The following CNNM3 variants were observed in gnomAD, a reference collection of about 807,000 sequenced individuals.
The protein encoded by CNNM3 is metal transporter CNNM3.
Under a neutral mutation model 57.1 loss-of-function variants are expected in CNNM3, and 47 were observed. The observed-to-expected ratio is 0.82, with a 90% CI of 0.65 to 1.05. The LOEUF (loss-of-function observed/expected upper bound fraction) is 1.05. Ranked by LOEUF, CNNM3 falls within the 50% of genes least tolerant of loss-of-function variation. The pLI, the probability that CNNM3 is intolerant of heterozygous loss-of-function variation, is 0.00. For synonymous variants in CNNM3, 507 were observed against 478.2 expected (o/e 1.06, Z -0.79); for missense variants, 957 against 973.7 (o/e 0.98, Z 0.23).
In CNNM3 at chr2:96,825,155, C is replaced by G. The variant is rs755157253; in HGVS notation, c.1323C>G (p.Ile441Met). ...VLGLVTLEDV[I>M]EEIIRSEILD... is the part of the protein sequence containing the mutation. ...GCCTGGTCACCCTGGAGGACGTGAT[C>G]GAGGAGATCATCAGGTCCGAGATCC... The change falls in exon 2 of 8, where the codon ATC becomes ATG. Residue 441 changes from isoleucine to methionine, a missense_variant. Transcript: ENST00000305510. 3.7e-6 allele frequency: 6 copies of G among 1,614,028 alleles called. No homozygotes were observed. The highest frequency in any genetic ancestry group is 5.1e-6 in the Non-Finnish European group (6 of 1,180,026).
At chr2:96,835,616 C>T (rs565946007), downstream of CNNM3, among the ~76,000 whole-genome samples, 244 of 152,134 alleles carry the variant, frequency 1.6e-3, 2 homozygotes, top group Middle Eastern at 0.02. Flanking sequence ...TACAGGCGCC[C>T]GCCACCACGC....
At chr2:96,823,245 G>C (rs966475012) in intron 1 of CNNM3, among the ~76,000 whole-genome samples, 2 of 152,208 alleles carry the variant, frequency 1.3e-5, no homozygotes, top group African/African-American at 4.8e-5. Context: ...TGAAAGCAAA[G>C]GAGTGAGTCC....
chr2:96,817,304 C>G lies in CNNM3; in HGVS notation c.1027C>G (p.Gln343Glu). The change falls in exon 1 of 8, where the codon CAG becomes GAG. Residue 343 changes from glutamine to glutamate, a missense_variant. Physicochemically the swap from Gln to Glu is conservative, Grantham distance 29 (BLOSUM62 2). Around this residue, in one of 2 missense-constraint regions of CNNM3, gnomAD observed 491 missense variants for 570.6 expected, o/e 0.86. Coordinates refer to ENST00000305510, the MANE Select transcript of CNNM3 (RefSeq NM_017623.5). ...LDFGVLASIM[Q>E]SGHTRIPVYE... is the part of the protein sequence containing the mutation. ...CTTCGGCGTCCTGGCCAGCATCATG[C>G]AGAGCGGCCACACGCGCATCCCGGT... The G allele has an allele frequency of 1.2e-6, 2 of 1,613,846 alleles. No homozygotes were observed. Among genetic ancestry groups the G allele is most frequent in the Non-Finnish European group, 1.7e-6 (2 of 1,180,036 alleles).
At chr2:96,828,035 CGCT>C in intron 4 of CNNM3, 61 bp from the exon 5 acceptor site, 1 of 1,575,860 alleles carries the variant, frequency 6.3e-7, no homozygotes, top group Non-Finnish European at 8.7e-7. Flanking sequence ...TTTCTCCTTC[CGCT>C]GTCTTCTGAC....
chr2:96,822,340 G>C, intron 1 of CNNM3, among the ~76,000 whole-genome samples: 1 of 151,650 alleles, frequency 6.6e-6, no homozygotes, highest in South Asian at 2.1e-4. Context: ...ACAGAGTCTT[G>C]CTCTGTCACC....
downstream of CNNM3, chr2:96,837,107 GGTTCACATAGCTATATA>G (rs1394706252): frequency 6.6e-6 from 1 of 152,052 alleles, no homozygotes; most frequent in African/African-American, 2.4e-5. Flanking sequence ...TTGCACTCTT[GGTTCACATAGCTATATA>G]GTAGATCTTG....
rs780503858 is a variant in CNNM3 at position 96,827,718 on chromosome 2, C to T, written c.1520-13C>T. ...CCCCAGTGGACACTGTCCCTTTTTTCCACCACGTGCAGAAGTGGATGTATT... is the reference window on the plus strand; with the variant it reads ...CCCCAGTGGACACTGTCCCTTTTTTTCACCACGTGCAGAAGTGGATGTATT... On this transcript the variant is annotated splice_polypyrimidine_tract_variant and intron_variant, in intron 3 of 7. Transcript: ENST00000305510. The T allele has an allele frequency of 6.2e-7, 1 of 1,602,330 alleles. No individual in the cohort carries two copies. The highest frequency in any genetic ancestry group is 1.1e-5 in the South Asian group (1 of 90,298).
In CNNM3 at chr2:96,817,107, T is replaced by G; in HGVS notation, c.830T>G (p.Leu277Arg). Reference protein sequence around the residue: ...LPVALPVGQLLELAARPGRLR... With the variant: ...LPVALPVGQLRELAARPGRLR... ...GTCGCGCTGCCCGTGGGGCAGCTGC[T>G]GGAGCTGGCGGCGCGGCCCGGGCGG... The change falls in exon 1 of 8, where the codon CTG becomes CGG. Residue 277 changes from leucine (L) to arginine (R), a missense_variant. Transcript: ENST00000305510. 1 of 1,341,592 alleles carries G rather than the reference T, an allele frequency of 7.5e-7. No homozygotes were observed. Among genetic ancestry groups the G allele is most frequent in the Non-Finnish European group, 9.5e-7 (1 of 1,056,540 alleles). The allele number at this position is 1,341,592 out of a possible 1,614,324, so 83.1% of individuals were successfully genotyped here.
rs919264557 is a variant in CNNM3 at position 96,833,088 on chromosome 2, G to T, written c.*472G>T. On this transcript the variant is annotated 3_prime_UTR_variant, in exon 8 of 8. Transcript: ENST00000305510. ...TGAGCAAGCCGAGAGCACCCATTTT[G>T]GCTGGGGGTTCAGATCGATGGCCTT... is the stretch of plus-strand genomic sequence containing the variant. 5.2e-6 allele frequency: 6 copies of T among 1,164,840 alleles called. No individual in the cohort carries two copies. The highest frequency in any genetic ancestry group is 1.6e-5 in the African/African-American group (1 of 63,166). The allele number at this position is 1,164,840 out of a possible 1,614,324, so 72.2% of individuals were successfully genotyped here.
At chr2:96,827,930 T>C in intron 4 of CNNM3, 30 bp downstream of exon 4, 5 of 1,602,390 alleles carry the variant, frequency 3.1e-6, no homozygotes, top group Non-Finnish European at 4.3e-6. Context: ...CTGGAGTCCC[T>C]CCTGCTTCCT....
chr2:96,826,057 G>C (rs538055371), intron 2 of CNNM3, among the ~76,000 whole-genome samples: 1 of 152,182 alleles, frequency 6.6e-6, no homozygotes, highest in South Asian at 2.1e-4. Flanking sequence ...TTAATCATGC[G>C]TCGATTTTCA....
intron 3 of CNNM3, 21 bp from the exon 4 acceptor site, chr2:96,827,710 C>A: frequency 5.0e-6 from 8 of 1,605,308 alleles, no homozygotes; most frequent in Non-Finnish European, 6.0e-6. Flanking sequence ...GGACACTGTC[C>A]CTTTTTTCCA....
intron 1 of CNNM3, among the ~76,000 whole-genome samples, chr2:96,821,920 A>G (rs566056208): frequency 6.6e-6 from 1 of 151,420 alleles, no homozygotes; most frequent in East Asian, 1.9e-4. Context: ...TTGCTTTTGA[A>G]CCATCAAATT....
In CNNM3 at chr2:96,834,735, G is replaced by A. The variant is rs1224841485; in HGVS notation, c.*2119G>A. ...CTTGGTACATTTATCAAAACTAAAGGTGCAATCATACTAATAGCTAGAGTT... is the reference window on the plus strand; with the variant it reads ...CTTGGTACATTTATCAAAACTAAAGATGCAATCATACTAATAGCTAGAGTT... On this transcript the variant is annotated 3_prime_UTR_variant, in exon 8 of 8. Coordinates refer to ENST00000305510, the MANE Select transcript of CNNM3 (RefSeq NM_017623.5). Among the ~76,000 whole-genome samples the A allele has an allele frequency of 6.6e-6, 1 of 152,120 alleles. No individual in the cohort carries two copies. Among genetic ancestry groups the A allele is most frequent in the Non-Finnish European group, 1.5e-5 (1 of 68,032 alleles).
At position 96,829,075 on chromosome 2, in the gene CNNM3, T is replaced by C. The variant is rs1231795260; in HGVS notation, c.2000T>C (p.Leu667Pro). 4 of 1,613,776 alleles carry C rather than the reference T, an allele frequency of 2.5e-6. No individual in the cohort carries two copies. The African/African-American group carries it at 5.3e-5, about 22-fold the overall frequency. Residue 667 changes from leucine (L) to proline (P), a missense_variant, in exon 7 of 8, where the codon CTG becomes CCG. Physicochemically the swap from Leu to Pro is moderately conservative, Grantham distance 98 (BLOSUM62 -3). This residue lies in a region of CNNM3 where 491 missense variants were observed against 570.6 expected (regional missense o/e 0.86). Transcript: ENST00000305510. ...CCACAGTCCCCTGAGAACACCGACC[T>C]GCAGGTTATTCCAGGCAGCCAGACC... ...NLPQSPENTD[L>P]QVIPGSQTRL...
chr2:96,823,706 T>A (rs1344973601), intron 1 of CNNM3, among the ~76,000 whole-genome samples: 2 of 152,222 alleles, frequency 1.3e-5, no homozygotes, highest in African/African-American at 4.8e-5. Context: ...ACTGTTTGAT[T>A]TCCCAGGAGA....
intron 7 of CNNM3, among the ~76,000 whole-genome samples, chr2:96,831,254 G>A (rs941476314): frequency 1.3e-5 from 2 of 152,156 alleles, no homozygotes; most frequent in African/African-American, 4.8e-5. Flanking sequence ...TTTCTTGCCT[G>A]AACTCGGGTT....
intron 7 of CNNM3, among the ~76,000 whole-genome samples, chr2:96,829,514 TG>T (rs2079566473): frequency 6.6e-6 from 1 of 151,960 alleles, no homozygotes; most frequent in Non-Finnish European, 1.5e-5. Context: ...TTGGCCAGGC[TG>T]GTCTTGAACT....
At chr2:96,836,838 C>G (rs924683196), downstream of CNNM3, 4 of 149,624 alleles carry the variant, frequency 2.7e-5, no homozygotes, top group African/African-American at 9.9e-5. Context: ...CTGTTTTTTC[C>G]TAAAAGAAGT....
Sources: gnomAD v4.1 joint callset for allele counts (sites outside exome capture counted in the v4.1 genomes callset) on GRCh38, gnomAD v4.1.1 for gene constraint, gnomAD v4.1.1 regional missense constraint, MANE v1.5 for transcripts, NCBI Gene and HGNC (gene_info 2026-07-23, HGNC 2026-07-21) for gene names.